Variants in MAF observed in about 807,000 individuals in gnomAD.
The protein encoded by MAF is MAF bZIP transcription factor.
MAF carries 10 observed loss-of-function variants against 22.0 expected under a neutral mutation model. That is an observed-to-expected ratio of 0.45 (90% confidence interval 0.28 to 0.77). The LOEUF (loss-of-function observed/expected upper bound fraction) is 0.77. Ranked by LOEUF, MAF falls within the 30% of genes least tolerant of loss-of-function variation. MAF has a pLI of 0.12. For synonymous variants in MAF, 337 were observed against 255.8 expected (o/e 1.32, Z -3.03); for missense variants, 544 against 548.4 (o/e 0.99, Z 0.08).
intron 1 of MAF, chr16:79,594,759 T>G: frequency 7.4e-7 from 1 of 1,360,320 alleles, no homozygotes; most frequent in Non-Finnish European, 9.5e-7. Context: ...TACTTCAAAG[T>G]TTTCAGTAAT....
At chr16:79,561,722 G>A in the MAF span, among the ~76,000 whole-genome samples, 3 of 152,220 alleles carry the variant, frequency 2.0e-5, no homozygotes, top group South Asian at 6.2e-4. Context: ...AGAAAAAATG[G>A]TCTTCAAAGC....
the MAF span, among the ~76,000 whole-genome samples, chr16:79,262,373 T>C: frequency 6.6e-6 from 1 of 152,282 alleles, no homozygotes; most frequent in South Asian, 2.1e-4. Flanking sequence ...CCTAAAGCAA[T>C]AGAAAATGTA....
chr16:79,578,224 C>T, the MAF span, among the ~76,000 whole-genome samples: 122,413 of 152,172 alleles, frequency 0.8, 49,400 homozygotes, highest in East Asian at 0.91. Flanking sequence ...GCTATGTGCA[C>T]TGTATTTGTA....
chr16:79,211,474 C>A, the MAF span: 1 of 1,115,946 alleles, frequency 9.0e-7, no homozygotes, highest in Non-Finnish European at 1.3e-6. Flanking sequence ...AGCCCAGTAC[C>A]CTTTGCTATG....
the MAF span, among the ~76,000 whole-genome samples, chr16:79,398,430 C>G: frequency 6.6e-6 from 1 of 152,178 alleles, no homozygotes; most frequent in Admixed American, 6.5e-5. Flanking sequence ...GGGATTAGAG[C>G]ACAGATATCT....
At chr16:79,449,277 G>A in the MAF span, among the ~76,000 whole-genome samples, 1 of 152,184 alleles carries the variant, frequency 6.6e-6, no homozygotes, top group African/African-American at 2.4e-5. Context: ...GCGCTGCCCA[G>A]TTCCTAACAG....
chr16:79,430,435 A>G, the MAF span, among the ~76,000 whole-genome samples: 1 of 152,156 alleles, frequency 6.6e-6, no homozygotes, highest in Non-Finnish European at 1.5e-5. Context: ...TCTCCAAAAG[A>G]CACACTCCCT....
At chr16:79,209,375 T>C in the MAF span, among the ~76,000 whole-genome samples, 7 of 152,344 alleles carry the variant, frequency 4.6e-5, no homozygotes, top group African/African-American at 1.7e-4. Context: ...TGGCAAAATA[T>C]TTTATCAGGT....
At chr16:79,324,529 T>TA in the MAF span, among the ~76,000 whole-genome samples, 1 of 152,166 alleles carries the variant, frequency 6.6e-6, no homozygotes, top group Non-Finnish European at 1.5e-5. Flanking sequence ...GTATTATTAT[T>TA]ACAATGACCA....
the MAF span, among the ~76,000 whole-genome samples, chr16:79,394,571 T>C: frequency 6.6e-6 from 1 of 152,234 alleles, no homozygotes; most frequent in African/African-American, 2.4e-5. Flanking sequence ...ATGACCTCTC[T>C]GAGGTTCAGT....
At chr16:79,412,089 T>G in the MAF span, among the ~76,000 whole-genome samples, 15 of 152,260 alleles carry the variant, frequency 9.9e-5, 1 homozygote, top group African/African-American at 3.6e-4. Flanking sequence ...TCTAAATGAT[T>G]GAAATATATG....
At chr16:79,521,820 A>G in the MAF span, among the ~76,000 whole-genome samples, 3 of 152,236 alleles carry the variant, frequency 2.0e-5, no homozygotes, top group Admixed American at 6.5e-5. Context: ...AAAAGACACC[A>G]TACTAAGCAC....
At chr16:79,374,284 G>A in the MAF span, among the ~76,000 whole-genome samples, 5 of 152,122 alleles carry the variant, frequency 3.3e-5, no homozygotes, top group African/African-American at 4.8e-5. Flanking sequence ...TCCGTTGCCT[G>A]AGCTCAGAAT....
At chr16:79,276,891 C>T in the MAF span, among the ~76,000 whole-genome samples, 2 of 152,044 alleles carry the variant, frequency 1.3e-5, no homozygotes, top group East Asian at 3.9e-4. Context: ...AGGGGAGGAT[C>T]CTTCTCTGCC....
chr16:79,370,853 T>C, the MAF span, among the ~76,000 whole-genome samples: 1 of 151,788 alleles, frequency 6.6e-6, no homozygotes, highest in Non-Finnish European at 1.5e-5. Flanking sequence ...TGTAGTGGTG[T>C]GGTTGTCTTT....
At chr16:79,550,180 G>A in the MAF span, among the ~76,000 whole-genome samples, 3 of 152,016 alleles carry the variant, frequency 2.0e-5, no homozygotes. Flanking sequence ...TAACCCCCCT[G>A]GCTTGATGAA....
chr16:79,353,948 G>A, the MAF span, among the ~76,000 whole-genome samples: 1 of 152,050 alleles, frequency 6.6e-6, no homozygotes, highest in Non-Finnish European at 1.5e-5. Flanking sequence ...TGGTCTTCAT[G>A]GAGACCAGAG....
chr16:79,550,579 G>A, the MAF span, among the ~76,000 whole-genome samples: 10 of 152,184 alleles, frequency 6.6e-5, no homozygotes, highest in African/African-American at 2.4e-4. Flanking sequence ...GCAAAAAGGA[G>A]AGAAAATGAA....
At chr16:79,451,086 G>A in the MAF span, among the ~76,000 whole-genome samples, 2 of 152,052 alleles carry the variant, frequency 1.3e-5, 1 homozygote, top group Non-Finnish European at 2.9e-5. Context: ...AATTATAGTA[G>A]GGCAAGCCAC....
Sources: allele counts gnomAD v4.1 joint callset (sites outside exome capture counted in the v4.1 genomes callset), GRCh38; gene constraint gnomAD v4.1.1; transcripts MANE v1.5; gene names NCBI Gene and HGNC (gene_info 2026-07-23, HGNC 2026-07-21).